The following NOVA2 variants were observed in gnomAD, a reference collection of about 807,000 sequenced individuals.
The protein encoded by NOVA2 is NOVA alternative splicing regulator 2, also known as RNA-binding protein Nova-2.
A neutral mutation model predicts 22.5 loss-of-function variants in NOVA2; 9 were observed. That is an observed-to-expected ratio of 0.40 (90% confidence interval 0.24 to 0.70). The LOEUF (loss-of-function observed/expected upper bound fraction) is 0.70, where lower values mean the gene tolerates loss of function less well. Among genes scored for constraint, NOVA2 ranks in the 30% least tolerant of loss-of-function variants. The pLI is 0.38. For synonymous variants in NOVA2, 318 were observed against 335.2 expected (o/e 0.95, Z 0.56); for missense variants, 383 against 682.8 (o/e 0.56, Z 4.89).
intron 2 of NOVA2, among the ~76,000 whole-genome samples, chr19:45,957,945 A>G (rs1465946239): frequency 6.6e-6 from 1 of 151,646 alleles, no homozygotes; most frequent in Non-Finnish European, 1.5e-5. Context: ...AAAATACAAA[A>G]ACATAAAAAT....
At chr19:45,947,268 G>A (rs545587777) in intron 3 of NOVA2, among the ~76,000 whole-genome samples, 6 of 152,142 alleles carry the variant, frequency 3.9e-5, no homozygotes, top group East Asian at 3.9e-4. Flanking sequence ...AAGGGTGAGC[G>A]AATAAATAGA....
chr19:45,953,824 T>C lies in NOVA2; in HGVS notation c.352A>G (p.Ile118Val). 3 of 1,614,206 alleles carry C rather than the reference T, an allele frequency of 1.9e-6. No individual in the cohort carries two copies. Among genetic ancestry groups the C allele is most frequent in the Non-Finnish European group, 2.5e-6 (3 of 1,180,028 alleles). ...TTCATCGTGGTTTGGGGTTGAAGGA[T>C]GTTGACCACCTCAGGCTTGGTCATC... The part of the protein sequence containing the change: ...QAMTKPEVVN[I>V]LQPQTTMNPD... Residue 118 changes from isoleucine to valine, a missense_variant, in exon 3 of 4, where the codon ATC becomes GTC. This residue lies in a region of NOVA2 where 349 missense variants were observed against 578.1 expected (regional missense o/e 0.60). Transcript: ENST00000263257.
intron 2 of NOVA2, among the ~76,000 whole-genome samples, chr19:45,954,855 G>GGTGTGTGTGTGTGT (rs10598680): frequency 6.9e-6 from 1 of 144,696 alleles, no homozygotes; most frequent in East Asian, 2.1e-4. Context: ...GCTGGTGAGT[G>GGTGTGTGTGTGTGT]GTGTGTGTGT....
At chr19:45,964,174 TTTTTC>T (rs1337598698) in intron 1 of NOVA2, among the ~76,000 whole-genome samples, 63 of 119,510 alleles carry the variant, frequency 5.3e-4, no homozygotes, top group African/African-American at 2.0e-3. Context: ...TTTCTTTTTC[TTTTTC>T]TTTTTTTTTT....
chr19:45,965,598 C>T (rs536552065), intron 1 of NOVA2, among the ~76,000 whole-genome samples: 1 of 152,304 alleles, frequency 6.6e-6, no homozygotes, highest in South Asian at 2.1e-4. Context: ...GGCCTAGTGG[C>T]ACATTCCTGT....
intron 3 of NOVA2, among the ~76,000 whole-genome samples, chr19:45,943,866 T>G (rs1210759472): frequency 1.3e-5 from 2 of 152,174 alleles, no homozygotes; most frequent in South Asian, 4.2e-4. Flanking sequence ...GTACCAAGTA[T>G]TGTTTGCATG....
intron 1 of NOVA2, among the ~76,000 whole-genome samples, chr19:45,964,561 A>C (rs919811345): frequency 4.4e-5 from 6 of 137,000 alleles, no homozygotes; most frequent in Non-Finnish European, 6.2e-5. Flanking sequence ...ACACTCTCTG[A>C]TCTCTCTCTC....
chr19:45,964,070 G>A (rs1289782735), intron 1 of NOVA2, among the ~76,000 whole-genome samples: 1 of 152,094 alleles, frequency 6.6e-6, no homozygotes, highest in Non-Finnish European at 1.5e-5. Context: ...AAAAGAAAGG[G>A]AGGAGTTAGG....
intron 3 of NOVA2, among the ~76,000 whole-genome samples, chr19:45,946,262 A>G (rs1967836703): frequency 6.6e-6 from 1 of 152,118 alleles, no homozygotes; most frequent in African/African-American, 2.4e-5. Flanking sequence ...AAATGGCATC[A>G]CTACACTCCA....
In NOVA2 at chr19:45,940,141, C is replaced by T. The variant is rs754297899; in HGVS notation, c.1201G>A (p.Ala401Thr). The change falls in exon 4 of 4, where the codon GCG (alanine) becomes ACG (threonine). Residue 401 changes from alanine (A) to threonine (T), a missense_variant. Physicochemically the swap from Ala to Thr is moderately conservative, Grantham distance 58. Transcript: ENST00000263257. ...ACCAGCTCCTTGGCACTCTCAGCCGCCAGCTTCTCCGCCGTCAGGAAGCCC... is the reference window on the plus strand; with the variant it reads ...ACCAGCTCCTTGGCACTCTCAGCCGTCAGCTTCTCCGCCGTCAGGAAGCCC... ...AGGFLTAEKL[A>T]AESAKELVEI... 5.6e-6 allele frequency: 9 copies of T among 1,609,072 alleles called. No individual in the cohort carries two copies. Among genetic ancestry groups the T allele is most frequent in the African/African-American group, 1.3e-5 (1 of 74,864 alleles).
chr19:45,952,383 T>G (rs1967939480), intron 3 of NOVA2, among the ~76,000 whole-genome samples: 1 of 152,168 alleles, frequency 6.6e-6, no homozygotes, highest in Non-Finnish European at 1.5e-5. Flanking sequence ...GGAGAAGGAT[T>G]CAACTAAACA....
At chr19:45,969,036 G>A (rs1968201525) in intron 1 of NOVA2, among the ~76,000 whole-genome samples, 1 of 152,172 alleles carries the variant, frequency 6.6e-6, no homozygotes, top group Non-Finnish European at 1.5e-5. Flanking sequence ...GCACATGCCT[G>A]TAATCCCAGC....
rs967677341 is a variant in NOVA2, at chr19:45,938,458, C to A, written c.*1405G>T. 3 of 152,440 alleles carry A rather than the reference C, an allele frequency of 2.0e-5. No homozygotes were observed. Among genetic ancestry groups the A allele is most frequent in the Non-Finnish European group, 4.4e-5 (3 of 68,110 alleles). 9.4% of individuals were successfully genotyped at this position (152,440 alleles called of 1,614,324 possible). A position where few individuals can be genotyped will look rare whatever the true frequency, so the allele number is the denominator to read the frequency against. ...GCCCAAGGGACCCTACTATGGCTCA[C>A]TGAACTCTACACCTGGCCATACTGG... On this transcript the variant is annotated 3_prime_UTR_variant, in exon 4 of 4. Transcript: ENST00000263257.
At chr19:45,948,737 A>C (rs1253376413) in intron 3 of NOVA2, among the ~76,000 whole-genome samples, 1 of 152,220 alleles carries the variant, frequency 6.6e-6, no homozygotes, top group East Asian at 1.9e-4. Flanking sequence ...GCAGTTCTTC[A>C]AAAAGTTGAA....
chr19:45,966,549 T>A (rs2146427352), intron 1 of NOVA2, among the ~76,000 whole-genome samples: 1 of 151,684 alleles, frequency 6.6e-6, no homozygotes, highest in South Asian at 2.1e-4. Context: ...ATTACAGGCA[T>A]GAGCCACCGC....
At chr19:45,945,194 C>T (rs1410501978) in intron 3 of NOVA2, among the ~76,000 whole-genome samples, 3 of 151,658 alleles carry the variant, frequency 2.0e-5, no homozygotes, top group Admixed American at 2.0e-4. Flanking sequence ...GTCGTCTCAG[C>T]TACTCAGGAG....
At chr19:45,971,234 T>G (rs1968228804) in intron 1 of NOVA2, among the ~76,000 whole-genome samples, 1 of 152,058 alleles carries the variant, frequency 6.6e-6, no homozygotes, top group South Asian at 2.1e-4. Context: ...GCATCAGTGT[T>G]AAGTTGTGCT....
rs1450355172 is a variant in NOVA2 at position 45,973,431 on chromosome 19, G to A, written c.-80C>T. 2 of 211,798 alleles carry A rather than the reference G, an allele frequency of 9.4e-6. No individual in the cohort carries two copies. The highest frequency in any genetic ancestry group is 1.6e-5 in the Non-Finnish European group (2 of 124,056). The allele number at this position is 211,798 out of a possible 1,614,324, so 13.1% of individuals were successfully genotyped here. ...CGGCGGCTGCTGTGGCGGCGGCGAC[G>A]GCTGCTGGGGAGGCTGGGGTTGCGG... On this transcript the variant is annotated 5_prime_UTR_variant, in exon 1 of 4. Transcript: ENST00000263257.
intron 1 of NOVA2, among the ~76,000 whole-genome samples, chr19:45,971,153 CTGAGA>C (rs1968228068): frequency 2.0e-5 from 3 of 152,144 alleles, no homozygotes; most frequent in Admixed American, 2.0e-4. Context: ...AGGGGTTGTA[CTGAGA>C]TATTAACCCA....
Sources: gnomAD v4.1 joint callset for allele counts (sites outside exome capture counted in the v4.1 genomes callset) on GRCh38, gnomAD v4.1.1 for gene constraint, gnomAD v4.1.1 regional missense constraint, MANE v1.5 for transcripts, NCBI Gene and HGNC (gene_info 2026-07-23, HGNC 2026-07-21) for gene names.